Variants in RARS2 observed in about 807,000 individuals in gnomAD.
RARS2 encodes probable arginine--tRNA ligase, mitochondrial.
A neutral mutation model predicts 88.5 loss-of-function variants in RARS2; 67 were observed. The observed-to-expected ratio is 0.76, with a 90% CI of 0.62 to 0.93. RARS2 has a LOEUF of 0.93. Ranked by LOEUF, RARS2 falls within the 40% of genes least tolerant of loss-of-function variation. RARS2 has a pLI of 0.00. For missense variants in RARS2, 664 were observed against 684.2 expected (o/e 0.97, Z 0.33); for synonymous variants, 239 against 230.3 (o/e 1.04, Z -0.34).
chr6:87,561,870 T>C (rs1274100413), intron 4 of RARS2, among the ~76,000 whole-genome samples: 1 of 152,202 alleles, frequency 6.6e-6, no homozygotes, highest in Non-Finnish European at 1.5e-5. Flanking sequence ...TTGAGAAGGA[T>C]TTGGGAATAT....
At chr6:87,538,934 T>G (rs1780038848) in intron 8 of RARS2, among the ~76,000 whole-genome samples, 1 of 151,964 alleles carries the variant, frequency 6.6e-6, no homozygotes, top group African/African-American at 2.4e-5. Flanking sequence ...CTTGGGTTGC[T>G]GAGGTGGGAG....
At chr6:87,553,552 TG>T (rs1196635802) in intron 5 of RARS2, among the ~76,000 whole-genome samples, 1 of 152,228 alleles carries the variant, frequency 6.6e-6, no homozygotes, top group Non-Finnish European at 1.5e-5. Flanking sequence ...CCAATGTAGA[TG>T]ATGTAAACAA....
At chr6:87,517,520 T>G (rs1772208179) in intron 17 of RARS2, among the ~76,000 whole-genome samples, 1 of 152,222 alleles carries the variant, frequency 6.6e-6, no homozygotes, top group South Asian at 2.1e-4. Context: ...AAAACCCAGT[T>G]GGCTTATTTT....
intron 10 of RARS2, 113 bp from the exon 11 acceptor site, chr6:87,524,765 G>A (rs2128036866): frequency 2.7e-6 from 2 of 753,880 alleles, no homozygotes; most frequent in Admixed American, 2.0e-5. Context: ...ACGTTGCAAT[G>A]AGCAGTGCCA....
At chr6:87,587,290 A>G (rs562954751) in intron 1 of RARS2, among the ~76,000 whole-genome samples, 90 of 152,318 alleles carry the variant, frequency 5.9e-4, no homozygotes, top group Non-Finnish European at 4.6e-4. Flanking sequence ...AAAAAGTTTC[A>G]AATTTTGGAG....
At position 87,514,397 on chromosome 6, in the gene RARS2, G is replaced by A; in HGVS notation, c.*16C>T. Reference sequence around the variant, plus strand: ...CTAGAATTCACTTGACATTTTAAAAGCCATTTTAATGGAAATTACATCCTA... The same window carrying A: ...CTAGAATTCACTTGACATTTTAAAAACCATTTTAATGGAAATTACATCCTA... On this transcript the variant is annotated 3_prime_UTR_variant, in exon 20 of 20. Transcript: ENST00000369536. 6.5e-7 allele frequency: 1 copy of A among 1,545,258 alleles called. No homozygotes were observed. Among genetic ancestry groups the A allele is most frequent in the East Asian group, 2.2e-5 (1 of 44,464 alleles).
chr6:87,572,374 A>G (rs1770040132), intron 1 of RARS2, among the ~76,000 whole-genome samples: 1 of 152,172 alleles, frequency 6.6e-6, no homozygotes, highest in Non-Finnish European at 1.5e-5. Context: ...TTTTATGTCT[A>G]TCTTAAATAT....
chr6:87,558,002 C>T (rs1786547232), intron 4 of RARS2, among the ~76,000 whole-genome samples: 1 of 151,940 alleles, frequency 6.6e-6, no homozygotes. Context: ...ATGGTGAAAC[C>T]CCATCTCTAC....
chr6:87,516,187 ACT>A (rs1355456478), intron 18 of RARS2, among the ~76,000 whole-genome samples: 1 of 152,140 alleles, frequency 6.6e-6, no homozygotes, highest in Non-Finnish European at 1.5e-5. Flanking sequence ...ACAAGGGTGG[ACT>A]CAATTTTGAT....
At chr6:87,550,090 A>G (rs968723038) in intron 5 of RARS2, among the ~76,000 whole-genome samples, 4 of 152,248 alleles carry the variant, frequency 2.6e-5, no homozygotes, top group African/African-American at 9.6e-5. Context: ...ATGTGTGCAC[A>G]ATTATGAAAT....
intron 1 of RARS2, among the ~76,000 whole-genome samples, chr6:87,584,289 T>C (rs1022919158): frequency 6.6e-6 from 1 of 152,200 alleles, no homozygotes; most frequent in African/African-American, 2.4e-5. Context: ...TCCTTTTCCC[T>C]CATTCAGGGG....
chr6:87,578,958 CAA>C (rs72383675), intron 1 of RARS2, among the ~76,000 whole-genome samples: 1,899 of 41,440 alleles, frequency 0.046, 11 homozygotes, highest in East Asian at 0.12. Flanking sequence ...GAGACTGTCT[CAA>C]AAAAAAAAAA....
chr6:87,516,985 A>G, intron 17 of RARS2, 105 bp from the exon 18 acceptor site: 3 of 1,522,998 alleles, frequency 2.0e-6, no homozygotes, highest in Non-Finnish European at 1.8e-6. Flanking sequence ...CACGATTAAG[A>G]GTAGAAGGTA....
At chr6:87,583,870 A>G (rs1202160905) in intron 1 of RARS2, among the ~76,000 whole-genome samples, 3 of 152,212 alleles carry the variant, frequency 2.0e-5, no homozygotes. Flanking sequence ...TAAGGATACA[A>G]TACAAATAGC....
chr6:87,564,047 T>C (rs552011965), intron 3 of RARS2, 83 bp downstream of exon 3: 1 of 1,013,172 alleles, frequency 9.9e-7, no homozygotes, highest in South Asian at 1.3e-5. Context: ...AAATTCACTA[T>C]TATGGCTGAG....
chr6:87,550,723 AAGAAT>A (rs1395337051), intron 5 of RARS2, among the ~76,000 whole-genome samples: 1 of 150,524 alleles, frequency 6.6e-6, no homozygotes, highest in East Asian at 1.9e-4. Flanking sequence ...AAAAAAAAAA[AAGAAT>A]AGAATACAAT....
At chr6:87,560,543 C>T (rs561209837) in intron 4 of RARS2, among the ~76,000 whole-genome samples, 25 of 152,318 alleles carry the variant, frequency 1.6e-4, no homozygotes, top group African/African-American at 6.0e-4. Flanking sequence ...TATATTAATT[C>T]TTTGTTGGTC....
chr6:87,556,094 A>G (rs191165302), intron 4 of RARS2, among the ~76,000 whole-genome samples: 194 of 152,340 alleles, frequency 1.3e-3, no homozygotes, highest in African/African-American at 3.9e-3. Context: ...CAATGGTAGG[A>G]AAAAGATAAA....
chr6:87,533,825 C>G (rs1562111888), intron 8 of RARS2, among the ~76,000 whole-genome samples: 2 of 152,136 alleles, frequency 1.3e-5, no homozygotes, highest in African/African-American at 4.8e-5. Flanking sequence ...TATGATAAGC[C>G]TTTCTTATCC....
Sources: gnomAD v4.1 joint callset for allele counts (sites outside exome capture counted in the v4.1 genomes callset) on GRCh38, gnomAD v4.1.1 for gene constraint, MANE v1.5 for transcripts, NCBI Gene and HGNC (gene_info 2026-07-23, HGNC 2026-07-21) for gene names.